GALNT10: variants seen among roughly 807,000 people sequenced by gnomAD.
GALNT10 encodes the protein polypeptide N-acetylgalactosaminyltransferase 10, also known as GalNAc transferase 10.
In GALNT10, 41 loss-of-function variants were observed where a neutral mutation model predicts 75.0. The observed-to-expected ratio is 0.55, with a 90% CI of 0.43 to 0.71. The LOEUF (loss-of-function observed/expected upper bound fraction) is 0.71, where lower values mean the gene tolerates loss of function less well. Among genes scored for constraint, GALNT10 ranks in the 30% least tolerant of loss-of-function variants. The pLI, the probability that GALNT10 is intolerant of heterozygous loss-of-function variation, is 0.00. For missense variants in GALNT10, 727 were observed against 818.5 expected (o/e 0.89, Z 1.36); for synonymous variants, 302 against 313.0 (o/e 0.96, Z 0.37).
At chr5:154,396,443 A>C (rs1247130684) in intron 7 of GALNT10, among the ~76,000 whole-genome samples, 2 of 152,154 alleles carry the variant, frequency 1.3e-5, no homozygotes, top group African/African-American at 4.8e-5. Flanking sequence ...TCTGCAGACA[A>C]TACAAGTGCT....
chr5:154,296,888 A>G (rs1368844457), intron 2 of GALNT10, among the ~76,000 whole-genome samples: 2 of 152,202 alleles, frequency 1.3e-5, no homozygotes, highest in Non-Finnish European at 2.9e-5. Context: ...TGCAGATGAC[A>G]GAGACCTGTT....
chr5:154,394,516 A>G (rs1190569632), intron 7 of GALNT10, among the ~76,000 whole-genome samples: 2 of 152,130 alleles, frequency 1.3e-5, no homozygotes, highest in Non-Finnish European at 1.5e-5. Context: ...TGCCAAGGCT[A>G]AATCCCAGAT....
chr5:154,377,584 A>G (rs1266830260), intron 5 of GALNT10, among the ~76,000 whole-genome samples: 1 of 152,194 alleles, frequency 6.6e-6, no homozygotes, highest in Non-Finnish European at 1.5e-5. Context: ...TTGCTGGTCC[A>G]GGGACCACAC....
rs560053503 is a variant in GALNT10 at position 154,192,324 on chromosome 5, G to C, written c.159+1299G>C. On this transcript the variant is annotated intron_variant, in intron 1 of 11. Transcript: ENST00000297107. ...GAGGGTCTCATTGATCTTTCTGGTA[G>C]AGCTTACTGTTTAGAAACTAAGGTT... is the stretch of plus-strand genomic sequence containing the variant. Among the ~76,000 whole-genome samples, 31 of 152,368 alleles carry C rather than the reference G, an allele frequency of 2.0e-4. No homozygotes were observed. In the South Asian group the frequency reaches 6.2e-3, roughly 31 times the overall value.
chr5:154,380,918 A>G (rs1356229462), intron 6 of GALNT10, among the ~76,000 whole-genome samples: 8 of 152,054 alleles, frequency 5.3e-5, no homozygotes, highest in Non-Finnish European at 8.8e-5. Context: ...TCTCTTCCTC[A>G]AGCCTGCCAT....
chr5:154,191,205 G>C (rs919202392), intron 1 of GALNT10, among the ~76,000 whole-genome samples, 180 bp downstream of exon 1: 1 of 152,064 alleles, frequency 6.6e-6, no homozygotes, highest in African/African-American at 2.4e-5. Flanking sequence ...AGGGTCCCAC[G>C]CCAGTCAGAG....
At chr5:154,216,979 G>A (rs114139414) in intron 1 of GALNT10, among the ~76,000 whole-genome samples, 3,790 of 152,048 alleles carry the variant, frequency 0.025, 80 homozygotes, top group Admixed American at 0.053. Context: ...GCCCAACCCC[G>A]GGAAGCACTG....
chr5:154,356,394 T>G (rs73804447), intron 4 of GALNT10: 12 of 342,918 alleles, frequency 3.5e-5, no homozygotes, highest in African/African-American at 2.6e-4. Flanking sequence ...TGAGAAAGGC[T>G]CTGGGAGAGG....
At chr5:154,330,350 C>G (rs1002264748) in intron 4 of GALNT10, among the ~76,000 whole-genome samples, 6 of 152,332 alleles carry the variant, frequency 3.9e-5, no homozygotes, top group Admixed American at 3.9e-4. Flanking sequence ...GGTTTGTGGC[C>G]TCTTTGGTGA....
intron 1 of GALNT10, among the ~76,000 whole-genome samples, chr5:154,288,369 G>T (rs966289247): frequency 4.6e-5 from 7 of 151,128 alleles, no homozygotes; most frequent in Non-Finnish European, 7.4e-5. Flanking sequence ...AGGCTGCCAG[G>T]CCTGCTAAAT....
chr5:154,200,525 T>C (rs1581915519), intron 1 of GALNT10, among the ~76,000 whole-genome samples: 2 of 152,180 alleles, frequency 1.3e-5, no homozygotes, highest in Non-Finnish European at 2.9e-5. Context: ...TTTGCATGTT[T>C]CCTCCTGAGT....
chr5:154,297,969 C>A lies in GALNT10; in HGVS notation c.291C>A (p.Pro97=). The A allele has an allele frequency of 6.2e-7, 1 of 1,613,752 alleles. No individual in the cohort carries two copies. Among genetic ancestry groups the A allele is most frequent in the South Asian group, 1.1e-5 (1 of 91,054 alleles). The stretch of plus-strand genomic sequence containing the variant: ...ATGGAGAACAAGGAAGACCTTACCC[C>A]ATGACCGATGCTGAGAGAGTGGATC... ...VGNGEQGRPY[P]MTDAERVDQA... is the part of the protein sequence containing the mutation. The change falls in exon 3 of 12, where the codon CCC becomes CCA. Residue 97 remains proline, a synonymous_variant. Transcript: ENST00000297107.
At chr5:154,415,119 G>A (rs746394220) in intron 10 of GALNT10, among the ~76,000 whole-genome samples, 9 of 152,018 alleles carry the variant, frequency 5.9e-5, no homozygotes, top group Non-Finnish European at 7.4e-5. Flanking sequence ...GTGAAGCTCC[G>A]TCTCAAAAAA....
intron 4 of GALNT10, among the ~76,000 whole-genome samples, chr5:154,345,149 A>C (rs1581984192): frequency 6.6e-6 from 1 of 150,892 alleles, no homozygotes. Context: ...TCCTCCCCCC[A>C]CCCCCACATA....
At position 154,409,829 on chromosome 5, in the gene GALNT10, T is replaced by C. The variant is rs541859519; in HGVS notation, c.1386+67T>C. 219 of 1,063,918 alleles carry C rather than the reference T, an allele frequency of 2.1e-4. 3 individuals are homozygous for C. In the South Asian group the frequency reaches 2.5e-3, roughly 12 times the overall value. 65.9% of individuals were successfully genotyped at this position (1,063,918 alleles called of 1,614,324 possible). On this transcript the variant is annotated intron_variant, in intron 9 of 11. Coordinates refer to ENST00000297107, the MANE Select transcript of GALNT10 (RefSeq NM_198321.4). The surrounding 1 kb of genome is among the most constrained non-coding windows in gnomAD (Gnocchi z 4.5). ...GTGCAAAATGCAAATGCAGATCCCA[T>C]GTTCAAAAGGTAGAAAGTCAGTGCA...
At chr5:154,301,537 A>G (rs1284232270) in intron 3 of GALNT10, among the ~76,000 whole-genome samples, 3 of 150,780 alleles carry the variant, frequency 2.0e-5, no homozygotes, top group Non-Finnish European at 3.0e-5. Context: ...TTTTACCACT[A>G]GATCTTGTTG....
chr5:154,255,956 T>C (rs528117404), intron 1 of GALNT10, among the ~76,000 whole-genome samples: 25 of 152,180 alleles, frequency 1.6e-4, no homozygotes, highest in South Asian at 6.2e-4. Context: ...TTTTAGTTTA[T>C]CATAGACTTG....
At chr5:154,228,744 G>A (rs1753102471) in intron 1 of GALNT10, among the ~76,000 whole-genome samples, 1 of 152,218 alleles carries the variant, frequency 6.6e-6, no homozygotes, top group African/African-American at 2.4e-5. Flanking sequence ...CACCTTGCGT[G>A]GACTCTGGGC....
intron 3 of GALNT10, among the ~76,000 whole-genome samples, chr5:154,310,300 G>A (rs996492770): frequency 3.9e-5 from 6 of 152,298 alleles, no homozygotes; most frequent in African/African-American, 1.4e-4. Flanking sequence ...CAGAGTTCAA[G>A]AGCAATGCAG....
Sources: gnomAD v4.1 joint callset for allele counts (sites outside exome capture counted in the v4.1 genomes callset) on GRCh38, gnomAD v4.1.1 for gene constraint, Gnocchi (gnomAD v3.1) non-coding constraint, MANE v1.5 for transcripts, NCBI Gene and HGNC (gene_info 2026-07-23, HGNC 2026-07-21) for gene names.